The following TACR3 variants were observed in gnomAD, a reference collection of about 807,000 sequenced individuals.
The protein encoded by TACR3 is neuromedin-K receptor.
In TACR3, 34 loss-of-function variants were observed where a neutral mutation model predicts 35.0. The ratio of observed to expected loss-of-function variants is 0.97; its 90% CI spans 0.74 to 1.30. The LOEUF is 1.30. TACR3 is among the 50% of genes most tolerant of loss of function. The probability of loss-of-function intolerance (pLI) is 0.00; values close to 1 mark genes in which losing one functional copy is unlikely to be tolerated. For missense variants in TACR3, 558 were observed against 591.7 expected (o/e 0.94, Z 0.59); for synonymous variants, 233 against 221.1 (o/e 1.05, Z -0.48).
chr4:103,682,734 CTT>C (rs894090001), intron 1 of TACR3, among the ~76,000 whole-genome samples: 30 of 152,030 alleles, frequency 2.0e-4, no homozygotes, highest in African/African-American at 6.8e-4. Flanking sequence ...TGGGTCCTCT[CTT>C]AGGATCTCAT....
intron 1 of TACR3, among the ~76,000 whole-genome samples, chr4:103,714,982 C>T (rs989860994): frequency 6.6e-6 from 1 of 152,076 alleles, no homozygotes; most frequent in Admixed American, 6.6e-5. Context: ...AAATTAAAAA[C>T]AACAAAGGGT....
chr4:103,590,064 A>C (rs1263811981), intron 4 of TACR3, 70 bp from the exon 5 acceptor site: 3 of 1,549,076 alleles, frequency 1.9e-6, no homozygotes, highest in Admixed American at 3.9e-5. Flanking sequence ...GCTGCCACAG[A>C]AAATTCTACC....
intron 1 of TACR3, among the ~76,000 whole-genome samples, chr4:103,706,785 TTAAGTA>T (rs1336569756): frequency 6.6e-6 from 1 of 152,186 alleles, no homozygotes; most frequent in Non-Finnish European, 1.5e-5. Context: ...AAAAATATGT[TTAAGTA>T]TAAGACTGGG....
chr4:103,646,911 C>T (rs932268888), intron 3 of TACR3, among the ~76,000 whole-genome samples: 1 of 151,864 alleles, frequency 6.6e-6, no homozygotes, highest in African/African-American at 2.4e-5. Context: ...ACTTAGGGAA[C>T]AGTATGATAT....
intron 1 of TACR3, among the ~76,000 whole-genome samples, chr4:103,711,993 G>T (rs1168331002): frequency 1.3e-5 from 2 of 152,154 alleles, no homozygotes; most frequent in African/African-American, 4.8e-5. Context: ...TGACATAAAA[G>T]AGGACACAAA....
intron 3 of TACR3, among the ~76,000 whole-genome samples, chr4:103,637,173 G>T (rs972297311): frequency 6.6e-6 from 1 of 152,062 alleles, no homozygotes; most frequent in African/African-American, 2.4e-5. Flanking sequence ...GATGAACATC[G>T]ATGCAAAAAT....
chr4:103,648,432 A>T (rs1725505462), intron 3 of TACR3, among the ~76,000 whole-genome samples: 1 of 147,066 alleles, frequency 6.8e-6, no homozygotes, highest in Admixed American at 6.9e-5. Flanking sequence ...CTTCACCCCT[A>T]CTTTCCCACT....
At chr4:103,687,578 T>A (rs967338274) in intron 1 of TACR3, among the ~76,000 whole-genome samples, 34 of 151,930 alleles carry the variant, frequency 2.2e-4, no homozygotes, top group Non-Finnish European at 4.4e-4. Context: ...TGTACAAAAA[T>A]CACAAGCATT....
intron 1 of TACR3, among the ~76,000 whole-genome samples, chr4:103,691,995 C>A (rs1029362474): frequency 4.6e-5 from 7 of 152,096 alleles, no homozygotes; most frequent in African/African-American, 1.7e-4. Context: ...CCCTGATTTC[C>A]CACTTCACAC....
chr4:103,640,633 T>C (rs1401063921), intron 3 of TACR3, among the ~76,000 whole-genome samples: 2 of 151,990 alleles, frequency 1.3e-5, no homozygotes, highest in South Asian at 2.1e-4. Flanking sequence ...CTTTACTCTA[T>C]TGCAAGCTTG....
chr4:103,621,328 T>TG (rs1173359679), intron 3 of TACR3, among the ~76,000 whole-genome samples: 1 of 152,168 alleles, frequency 6.6e-6, no homozygotes, highest in Non-Finnish European at 1.5e-5. Flanking sequence ...GGTATGCTGA[T>TG]GAAGAAGCTG....
chr4:103,586,731 A>C lies in TACR3; in HGVS notation c.*2951T>G, dbSNP rs1403357353. 6.6e-6 allele frequency: 1 copy of C among 152,096 alleles called. No homozygotes were observed. The highest frequency in any genetic ancestry group is 1.5e-5 in the Non-Finnish European group (1 of 68,006). 9.4% of individuals were successfully genotyped at this position (152,096 alleles called of 1,614,324 possible). The stretch of plus-strand genomic sequence containing the variant: ...CCATCATGAAGTTAGAAGATGGAAT[A>C]ATGCAACAGTGTGCTGTACTTGGTA... On this transcript the variant is annotated 3_prime_UTR_variant, in exon 5 of 5. Coordinates refer to ENST00000304883, the MANE Select transcript of TACR3 (RefSeq NM_001059.3).
chr4:103,632,719 G>A (rs17304065), intron 3 of TACR3, among the ~76,000 whole-genome samples: 16,415 of 151,844 alleles, frequency 0.11, 923 homozygotes, highest in African/African-American at 0.12. Context: ...AAAGCTGGAT[G>A]AAAGCTTATG....
chr4:103,710,269 T>A (rs58878060), intron 1 of TACR3, among the ~76,000 whole-genome samples: 6,863 of 152,204 alleles, frequency 0.045, 512 homozygotes, highest in African/African-American at 0.16. Flanking sequence ...AAAGCACTCC[T>A]CAGCAAATAT....
chr4:103,603,123 C>T (rs182392255), intron 3 of TACR3, among the ~76,000 whole-genome samples: 1,687 of 152,320 alleles, frequency 0.011, 35 homozygotes, highest in African/African-American at 0.039. Context: ...GCCTCGCTGC[C>T]ACCTTGCAGT....
chr4:103,703,077 G>T (rs949034332), intron 1 of TACR3, among the ~76,000 whole-genome samples: 2 of 151,930 alleles, frequency 1.3e-5, no homozygotes, highest in African/African-American at 2.4e-5. Flanking sequence ...AAAATAAAAT[G>T]TTGCTGTAAA....
chr4:103,678,254 A>AT lies in TACR3; in HGVS notation c.549-19852dup, dbSNP rs201000395. 4.3e-4 allele frequency among the ~76,000 whole-genome samples: 65 copies of AT among 152,046 alleles called. 1 individual carries two copies. In the East Asian group the frequency reaches 0.01, roughly 24 times the overall value. ...TCTGATGTTGATCTACACTGTATCA[A>AT]TTTTTTTTATCAGTTAAATAGTAGC... is the stretch of plus-strand genomic sequence containing the variant. On this transcript the variant is annotated intron_variant, in intron 1 of 4. Transcript: ENST00000304883.
chr4:103,606,044 G>T (rs1724353854), intron 3 of TACR3, among the ~76,000 whole-genome samples: 1 of 151,754 alleles, frequency 6.6e-6, no homozygotes, highest in Non-Finnish European at 1.5e-5. Flanking sequence ...TCTACATATG[G>T]CTAGCCAGTT....
At chr4:103,702,541 C>A (rs1722679464) in intron 1 of TACR3, among the ~76,000 whole-genome samples, 1 of 152,104 alleles carries the variant, frequency 6.6e-6, no homozygotes, top group Admixed American at 6.6e-5. Flanking sequence ...CTCAGACATC[C>A]TATTACTGGG....
Sources: gnomAD v4.1 joint callset for allele counts (sites outside exome capture counted in the v4.1 genomes callset) on GRCh38, gnomAD v4.1.1 for gene constraint, MANE v1.5 for transcripts, NCBI Gene and HGNC (gene_info 2026-07-23, HGNC 2026-07-21) for gene names.